The following IL16 variants were observed in gnomAD, a reference collection of about 807,000 sequenced individuals.
The protein encoded by IL16 is interleukin 16, also known as pro-interleukin-16.
A neutral mutation model predicts 110.1 loss-of-function variants in IL16; 67 were observed. That is an observed-to-expected ratio of 0.61 (90% CI 0.50 to 0.75). The LOEUF (loss-of-function observed/expected upper bound fraction) is 0.75. Ranked by LOEUF, IL16 falls within the 30% of genes least tolerant of loss-of-function variation. IL16 has a pLI of 0.00. For missense variants in IL16, 1,545 were observed against 1,655.0 expected (o/e 0.93, Z 1.15); for synonymous variants, 689 against 662.9 (o/e 1.04, Z -0.61).
intron 12 of IL16, among the ~76,000 whole-genome samples, chr15:81,294,581 TCAG>T (rs1449971924): frequency 6.6e-6 from 1 of 152,110 alleles, no homozygotes; most frequent in African/African-American, 2.4e-5. Flanking sequence ...CCTGTGTGCC[TCAG>T]CAGAATACAG....
intron 2 of IL16, among the ~76,000 whole-genome samples, chr15:81,226,744 A>G (rs933593003): frequency 5.9e-5 from 9 of 152,112 alleles, no homozygotes; most frequent in African/African-American, 2.2e-4. Flanking sequence ...TATGTCCTGC[A>G]CTCACTTAAT....
intron 12 of IL16, among the ~76,000 whole-genome samples, chr15:81,294,242 G>A (rs1899879383): frequency 6.6e-6 from 1 of 152,238 alleles, no homozygotes; most frequent in Non-Finnish European, 1.5e-5. Flanking sequence ...CTGGCAGGAT[G>A]TGGCTGGTTA....
intron 15 of IL16, among the ~76,000 whole-genome samples, chr15:81,302,794 G>A (rs977982671): frequency 5.3e-5 from 8 of 152,154 alleles, no homozygotes; most frequent in South Asian, 2.1e-4. Flanking sequence ...ATCTGGTAGC[G>A]CTAGTTCTGT....
chr15:81,305,193 A>G (rs1313154706), intron 16 of IL16, among the ~76,000 whole-genome samples: 1 of 152,180 alleles, frequency 6.6e-6, no homozygotes, highest in Admixed American at 6.5e-5. Context: ...TACCCTGCCA[A>G]TACTTAGAAA....
intron 5 of IL16, among the ~76,000 whole-genome samples, chr15:81,271,217 G>C (rs1026359643): frequency 4.0e-5 from 6 of 151,568 alleles, no homozygotes; most frequent in African/African-American, 1.5e-4. Context: ...TGGAGTTGGA[G>C]ACCAGCCTGG....
intron 2 of IL16, among the ~76,000 whole-genome samples, chr15:81,244,080 T>G (rs1897447815): frequency 6.6e-6 from 1 of 152,170 alleles, no homozygotes; most frequent in African/African-American, 2.4e-5. Context: ...TAGTGATCAT[T>G]TTACCAATTC....
At chr15:81,188,533 TC>T in intron 1 of IL16, 1 of 437,108 alleles carries the variant, frequency 2.3e-6, no homozygotes, top group South Asian at 1.6e-5. Flanking sequence ...CAGACACTAG[TC>T]AGCAGCAGCC....
At position 81,306,021 on chromosome 15, in the gene IL16, C is replaced by T. The variant is rs970555750; in HGVS notation, c.3534C>T (p.Ala1178=). The T allele has an allele frequency of 6.2e-7, 1 of 1,614,124 alleles. No homozygotes were observed. The highest frequency in any genetic ancestry group is 1.7e-5 in the Admixed American group (1 of 60,010). The change falls in exon 17 of 19, where the codon GCC becomes GCT. Residue 1178 remains alanine (A), a synonymous_variant. Coordinates refer to ENST00000683961, the MANE Select transcript of IL16 (RefSeq NM_172217.5). ...KSLKGTTHHD[A]LAILRQAREP... ...TCAAGGGGACCACGCACCATGATGC[C>T]TTGGCCATCCTCCGCCAAGCTCGAG...
intron 1 of IL16, among the ~76,000 whole-genome samples, chr15:81,203,111 C>T (rs1291861057): frequency 7.2e-5 from 11 of 152,020 alleles, no homozygotes; most frequent in East Asian, 5.8e-4. Flanking sequence ...CTGTTGGCTG[C>T]GTAAATGTCT....
intron 2 of IL16, among the ~76,000 whole-genome samples, chr15:81,231,375 T>TCC: frequency 6.9e-6 from 1 of 145,208 alleles, no homozygotes; most frequent in Non-Finnish European, 1.5e-5. Flanking sequence ...TCTCTCTCTC[T>TCC]CTCTCTCCCT....
chr15:81,182,953 G>A, intron 1 of IL16: 1 of 1,129,712 alleles, frequency 8.9e-7, no homozygotes, highest in Non-Finnish European at 1.2e-6. Flanking sequence ...GAATGGAGGG[G>A]TGGACCCTTC....
chr15:81,200,490 C>A (rs1454030392), intron 1 of IL16, among the ~76,000 whole-genome samples: 1 of 152,150 alleles, frequency 6.6e-6, no homozygotes, highest in Non-Finnish European at 1.5e-5. Flanking sequence ...CCCCTTCAGC[C>A]TCCCGAGTAG....
At chr15:81,206,898 T>C (rs1280746087) in intron 1 of IL16, among the ~76,000 whole-genome samples, 1 of 148,250 alleles carries the variant, frequency 6.7e-6, no homozygotes, top group Non-Finnish European at 1.5e-5. Flanking sequence ...ATGATGACGA[T>C]GACATGGTGG....
At chr15:81,186,357 T>G (rs1204578138) in intron 1 of IL16, among the ~76,000 whole-genome samples, 1 of 152,242 alleles carries the variant, frequency 6.6e-6, no homozygotes, top group Admixed American at 6.5e-5. Context: ...AACCAGGTGG[T>G]GAGTGGCAGG....
At chr15:81,229,652 A>G (rs1896905498) in intron 2 of IL16, among the ~76,000 whole-genome samples, 1 of 152,206 alleles carries the variant, frequency 6.6e-6, no homozygotes. Context: ...CAGCAAGGCC[A>G]AAGGCAACAG....
chr15:81,252,310 C>T (rs1325256643), intron 2 of IL16, among the ~76,000 whole-genome samples: 1 of 152,070 alleles, frequency 6.6e-6, no homozygotes, highest in African/African-American at 2.4e-5. Context: ...GACTTGAATT[C>T]GTGAAAGACA....
At chr15:81,289,422 A>G (rs550003803) in intron 10 of IL16, among the ~76,000 whole-genome samples, 10 of 152,312 alleles carry the variant, frequency 6.6e-5, no homozygotes, top group African/African-American at 2.2e-4. Flanking sequence ...AGCATGAGCT[A>G]CCATGCCCAG....
chr15:81,187,862 A>G (rs1410652353), intron 1 of IL16, among the ~76,000 whole-genome samples: 2 of 152,156 alleles, frequency 1.3e-5, no homozygotes, highest in African/African-American at 2.4e-5. Flanking sequence ...GCACCAAGCC[A>G]TGGGTTATTC....
At chr15:81,232,043 T>G (rs1043667223) in intron 2 of IL16, among the ~76,000 whole-genome samples, 1 of 52,702 alleles carries the variant, frequency 1.9e-5, no homozygotes, top group Admixed American at 2.0e-4. Context: ...TTTGTTCTTG[T>G]TTTTTTTTTT....
Sources: allele counts gnomAD v4.1 joint callset (sites outside exome capture counted in the v4.1 genomes callset), GRCh38; gene constraint gnomAD v4.1.1; transcripts MANE v1.5; gene names NCBI Gene and HGNC (gene_info 2026-07-23, HGNC 2026-07-21).